Variants in EPHB1 observed in about 807,000 individuals in gnomAD.
The protein encoded by EPHB1 is ephrin type-B receptor 1.
In EPHB1, 30 loss-of-function variants were observed where a neutral mutation model predicts 94.4. The ratio of observed to expected loss-of-function variants is 0.32; its 90% CI spans 0.24 to 0.43. The LOEUF (loss-of-function observed/expected upper bound fraction) is 0.43. EPHB1 is among the 20% of genes least tolerant of loss of function. The probability of loss-of-function intolerance (pLI) is 1.00; values close to 1 mark genes in which losing one functional copy is unlikely to be tolerated. For synonymous variants in EPHB1, 522 were observed against 489.1 expected (o/e 1.07, Z -0.89); for missense variants, 1,055 against 1,308.3 (o/e 0.81, Z 2.99).
At chr3:134,890,850 T>C (rs999006448) in intron 1 of EPHB1, among the ~76,000 whole-genome samples, 1 of 152,230 alleles carries the variant, frequency 6.6e-6, no homozygotes, top group African/African-American at 2.4e-5. Context: ...GGGGTTTTTC[T>C]CTTTCAATTT....
chr3:134,928,704 G>A (rs565871185), intron 2 of EPHB1, among the ~76,000 whole-genome samples: 135 of 152,306 alleles, frequency 8.9e-4, no homozygotes, highest in Middle Eastern at 3.4e-3. Flanking sequence ...GCGGCCGCAT[G>A]TCAGTGAGAT....
intron 1 of EPHB1, among the ~76,000 whole-genome samples, chr3:134,847,711 C>G (rs2036902627): frequency 6.6e-6 from 1 of 152,196 alleles, no homozygotes. Flanking sequence ...CCCGAGGGAG[C>G]TATTTCCACC....
At chr3:134,855,133 A>T (rs2037084287) in intron 1 of EPHB1, among the ~76,000 whole-genome samples, 1 of 152,236 alleles carries the variant, frequency 6.6e-6, no homozygotes, top group Non-Finnish European at 1.5e-5. Flanking sequence ...TATATATTTT[A>T]CCTGTTTGCT....
intron 10 of EPHB1, among the ~76,000 whole-genome samples, chr3:135,183,247 TCTTC>T (rs61228471): frequency 0.041 from 3,734 of 91,196 alleles, 115 homozygotes; most frequent in African/African-American, 0.087. Context: ...TCCCTCCCTT[TCTTC>T]CTTCCTTCCT....
In EPHB1 at chr3:135,201,746, A is replaced by G. The variant is rs925491993; in HGVS notation, c.2346+57A>G. The stretch of plus-strand genomic sequence containing the variant: ...CATGGCATGAGTTAAAGGGGACTCT[A>G]CATGGCTGGGAACTGTGACAGGGCA... On this transcript the variant is annotated intron_variant, in intron 12 of 15. Transcript: ENST00000398015. 9.8e-6 allele frequency: 15 copies of G among 1,537,294 alleles called. No individual in the cohort carries two copies. In the African/African-American group the frequency reaches 1.2e-4, roughly 13 times the overall value.
intron 5 of EPHB1, among the ~76,000 whole-genome samples, chr3:135,150,030 T>A (rs1941144650): frequency 6.6e-6 from 1 of 152,200 alleles, no homozygotes; most frequent in Non-Finnish European, 1.5e-5. Flanking sequence ...TTCTTACTTG[T>A]TCTTCTGTCC....
intron 11 of EPHB1, among the ~76,000 whole-genome samples, chr3:135,198,625 T>A (rs1942683186): frequency 6.6e-6 from 1 of 152,012 alleles, no homozygotes; most frequent in Non-Finnish European, 1.5e-5. Context: ...AAACCCAGAG[T>A]TCTGGTCCCA....
chr3:135,163,886 A>G (rs1027382272), intron 7 of EPHB1, among the ~76,000 whole-genome samples: 65 of 152,268 alleles, frequency 4.3e-4, no homozygotes, highest in Non-Finnish European at 7.2e-4. Flanking sequence ...CTGTCTGCAG[A>G]GCGAAGGTAG....
intron 13 of EPHB1, among the ~76,000 whole-genome samples, chr3:135,241,605 G>C (rs1447835657): frequency 2.6e-5 from 4 of 152,304 alleles, no homozygotes; most frequent in African/African-American, 9.6e-5. Flanking sequence ...AAATTAAGCA[G>C]TAAAGTCTAC....
At chr3:134,822,516 T>C (rs926560323) in intron 1 of EPHB1, among the ~76,000 whole-genome samples, 1 of 152,200 alleles carries the variant, frequency 6.6e-6, no homozygotes, top group Non-Finnish European at 1.5e-5. Flanking sequence ...GTCAGGAAGT[T>C]GCCTAAACAT....
In EPHB1 at chr3:135,166,923, C is replaced by T. The variant is rs759615516; in HGVS notation, c.1695-19C>T. ...TGGGTGTGCCCTGTGGCTGAGAGAG[C>T]CCCTCTTTTTATCCACAGGAAACGG... On this transcript the variant is annotated intron_variant, in intron 8 of 15. Transcript: ENST00000398015. 2.5e-6 allele frequency: 4 copies of T among 1,613,512 alleles called. No homozygotes were observed. The highest frequency in any genetic ancestry group is 3.4e-6 in the Non-Finnish European group (4 of 1,179,704).
chr3:135,250,354 G>T (rs890493096), intron 15 of EPHB1, among the ~76,000 whole-genome samples: 1 of 152,030 alleles, frequency 6.6e-6, no homozygotes, highest in South Asian at 2.1e-4. Context: ...GAAATTACAT[G>T]ACATTGGTCC....
rs141465566 is a variant in EPHB1 at position 135,119,708 on chromosome 3, T to G, written c.962-13006T>G. On this transcript the variant is annotated intron_variant, in intron 4 of 15. Coordinates refer to ENST00000398015, the MANE Select transcript of EPHB1 (RefSeq NM_004441.5). ...CTCAAGTGATCCCCCTGTCTTGGCCTCCCAAAGTGCTGTAGTTACAGGCGT... is the reference window on the plus strand; with the variant it reads ...CTCAAGTGATCCCCCTGTCTTGGCCGCCCAAAGTGCTGTAGTTACAGGCGT... Among the ~76,000 whole-genome samples, 655 of 152,334 alleles carry G rather than the reference T, an allele frequency of 4.3e-3. 4 individuals carry two copies. The highest frequency in any genetic ancestry group is 5.3e-3 in the Non-Finnish European group (363 of 68,018).
intron 1 of EPHB1, among the ~76,000 whole-genome samples, chr3:134,888,352 C>T (rs1368213895): frequency 6.6e-6 from 1 of 152,186 alleles, no homozygotes; most frequent in Non-Finnish European, 1.5e-5. Flanking sequence ...CAGCTGAGGA[C>T]CTGCGGTGAA....
At chr3:135,257,670 T>G (rs1933463592) in intron 15 of EPHB1, among the ~76,000 whole-genome samples, 1 of 149,826 alleles carries the variant, frequency 6.7e-6, no homozygotes, top group African/African-American at 2.5e-5. Context: ...GCTGTCTTTT[T>G]GTTTGTCTGT....
intron 1 of EPHB1, among the ~76,000 whole-genome samples, chr3:134,919,020 C>T (rs886200691): frequency 8.5e-5 from 13 of 152,070 alleles, no homozygotes; most frequent in African/African-American, 3.1e-4. Context: ...GGATGAAACA[C>T]CAGTTACGAG....
intron 9 of EPHB1, among the ~76,000 whole-genome samples, chr3:135,173,502 T>C (rs908283159): frequency 2.6e-5 from 4 of 152,164 alleles, no homozygotes; most frequent in Non-Finnish European, 5.9e-5. Context: ...CAGCCTGCAT[T>C]GTCCTCCCTG....
At chr3:135,017,408 G>A (rs187391679) in intron 3 of EPHB1, among the ~76,000 whole-genome samples, 3 of 152,350 alleles carry the variant, frequency 2.0e-5, no homozygotes, top group East Asian at 3.9e-4. Context: ...AATAGTGTGC[G>A]TGTGTGAGTG....
chr3:134,890,273 TA>T (rs777796666), intron 1 of EPHB1, among the ~76,000 whole-genome samples: 2 of 152,266 alleles, frequency 1.3e-5, no homozygotes, highest in Non-Finnish European at 2.9e-5. Context: ...TTATGTGATA[TA>T]TGCTTTTTTC....
Sources: allele counts gnomAD v4.1 joint callset (sites outside exome capture counted in the v4.1 genomes callset), GRCh38; gene constraint gnomAD v4.1.1; transcripts MANE v1.5; gene names NCBI Gene and HGNC (gene_info 2026-07-23, HGNC 2026-07-21).